TENM3: variants seen among roughly 807,000 people sequenced by gnomAD.
The protein encoded by TENM3 is teneurin-3.
A neutral mutation model predicts 255.1 loss-of-function variants in TENM3; 63 were observed. The ratio of observed to expected loss-of-function variants is 0.25; its 90% CI spans 0.20 to 0.30. The LOEUF is 0.30. Among genes scored for constraint, TENM3 ranks in the 10% least tolerant of loss-of-function variants. TENM3 has a pLI of 1.00. For synonymous variants in TENM3, 1,306 were observed against 1,322.3 expected, an observed-to-expected ratio of 0.99 and a Z score of 0.27; for missense variants, 2,929 against 3,461.1, an observed-to-expected ratio of 0.85 and a Z score of 3.86.
intron 2 of TENM3, among the ~76,000 whole-genome samples, chr4:182,345,008 TCTCTTCTTTTA>T (rs1317545716): frequency 6.6e-6 from 1 of 152,210 alleles, no homozygotes; most frequent in Admixed American, 6.5e-5. Flanking sequence ...TTCCTTTTTT[TCTCTTCTTTTA>T]CTCTTCTTTT....
the TENM3 span, among the ~76,000 whole-genome samples, chr4:181,448,779 A>G: frequency 1.3e-5 from 2 of 152,208 alleles, no homozygotes; most frequent in Non-Finnish European, 2.9e-5. Context: ...AATATATTAC[A>G]AAGTTTTATA....
chr4:182,373,595 A>T (rs903197496), intron 3 of TENM3, among the ~76,000 whole-genome samples: 2 of 152,064 alleles, frequency 1.3e-5, no homozygotes, highest in Admixed American at 6.5e-5. Context: ...CACCAAGGTG[A>T]TGTCACCAAG....
At chr4:182,612,131 G>C (rs904497509) in intron 4 of TENM3, among the ~76,000 whole-genome samples, 2 of 151,990 alleles carry the variant, frequency 1.3e-5, no homozygotes, top group Admixed American at 6.6e-5. Flanking sequence ...AATTAGCCGG[G>C]CGTGGTGGCG....
At chr4:181,482,371 G>A in the TENM3 span, among the ~76,000 whole-genome samples, 1 of 152,004 alleles carries the variant, frequency 6.6e-6, no homozygotes, top group Admixed American at 6.6e-5. Flanking sequence ...ATATTTTGCT[G>A]TTCCTGCAAC....
chr4:182,160,230 C>T (rs1159893605), intron 1 of TENM3, among the ~76,000 whole-genome samples: 1 of 151,700 alleles, frequency 6.6e-6, no homozygotes, highest in Non-Finnish European at 1.5e-5. Flanking sequence ...TCTCGATCTC[C>T]TGACCTCGTG....
At chr4:181,890,104 A>C in the TENM3 span, among the ~76,000 whole-genome samples, 17 of 152,328 alleles carry the variant, frequency 1.1e-4, no homozygotes, top group East Asian at 2.7e-3. Flanking sequence ...TATGAGGTTC[A>C]GTGTATCTGA....
At chr4:181,807,364 T>C in the TENM3 span, among the ~76,000 whole-genome samples, 2 of 152,364 alleles carry the variant, frequency 1.3e-5, no homozygotes, top group South Asian at 2.1e-4. Flanking sequence ...ACACTTTTTT[T>C]CTTTTTGAGA....
the TENM3 span, among the ~76,000 whole-genome samples, chr4:181,607,051 C>T: frequency 2.0e-5 from 3 of 152,146 alleles, no homozygotes; most frequent in Non-Finnish European, 4.4e-5. Flanking sequence ...ACCAAGTGAA[C>T]CAGAATGTTC....
chr4:181,459,859 A>C, the TENM3 span, among the ~76,000 whole-genome samples: 1 of 151,912 alleles, frequency 6.6e-6, no homozygotes, highest in Non-Finnish European at 1.5e-5. Flanking sequence ...AACCTGTTGA[A>C]ATTTTTATTG....
chr4:182,278,297 G>T (rs1053944820), intron 1 of TENM3, among the ~76,000 whole-genome samples: 1 of 152,140 alleles, frequency 6.6e-6, no homozygotes, highest in African/African-American at 2.4e-5. Flanking sequence ...AACCTGGGAG[G>T]TGGAGGTTGC....
the TENM3 span, among the ~76,000 whole-genome samples, chr4:181,515,095 C>T: frequency 1.8e-3 from 278 of 152,340 alleles, 1 homozygote; most frequent in Middle Eastern, 3.4e-3. Context: ...TAACTGCATA[C>T]AACCAACCTT....
At chr4:182,346,063 A>G (rs1293078761) in intron 2 of TENM3, among the ~76,000 whole-genome samples, 2 of 138,504 alleles carry the variant, frequency 1.4e-5, no homozygotes, top group Non-Finnish European at 1.6e-5. Context: ...CCACACACAC[A>G]CATATATACA....
chr4:182,777,543 A>AT (rs1561238758), intron 24 of TENM3, among the ~76,000 whole-genome samples: 19 of 34,866 alleles, frequency 5.4e-4, no homozygotes, highest in South Asian at 2.2e-3. Flanking sequence ...GTGTGTGTGT[A>AT]TTTCTTTTTT....
chr4:181,656,128 G>A, the TENM3 span, among the ~76,000 whole-genome samples: 445 of 152,184 alleles, frequency 2.9e-3, 1 homozygote, highest in African/African-American at 0.01. Context: ...TTGTAACGGC[G>A]AGCCTTGGGG....
chr4:182,390,420 T>G (rs1460108715), intron 3 of TENM3, among the ~76,000 whole-genome samples: 1 of 152,186 alleles, frequency 6.6e-6, no homozygotes, highest in East Asian at 1.9e-4. Flanking sequence ...TGGTTGTTGT[T>G]GCCAAGGACT....
intron 24 of TENM3, among the ~76,000 whole-genome samples, chr4:182,781,528 G>C (rs531558455): frequency 6.6e-6 from 1 of 152,052 alleles, no homozygotes; most frequent in South Asian, 2.1e-4. Context: ...TTTTTGTTGT[G>C]TCTCTGCCTG....
chr4:181,740,495 T>C, the TENM3 span, among the ~76,000 whole-genome samples: 1 of 152,102 alleles, frequency 6.6e-6, no homozygotes, highest in Non-Finnish European at 1.5e-5. Context: ...CAAAGAGCTG[T>C]AGTTTAAGAA....
At chr4:181,558,642 C>T in the TENM3 span, among the ~76,000 whole-genome samples, 1 of 152,154 alleles carries the variant, frequency 6.6e-6, no homozygotes, top group Non-Finnish European at 1.5e-5. Flanking sequence ...TGCAATGATG[C>T]CTGGGTTGTG....
rs138393066 is a variant in TENM3 at position 182,719,554 on chromosome 4, T to G, written c.2368+5321T>G. 4.6e-5 allele frequency among the ~76,000 whole-genome samples: 7 copies of G among 152,156 alleles called. No individual in the cohort carries two copies. In the East Asian group the frequency reaches 1.4e-3, roughly 30 times the overall value. ...GATTACAGGCATGAACCACTGCGCC[T>G]GGCCTAGAGCTATCTTTTATCCTTT... On this transcript the variant is annotated intron_variant, in intron 13 of 27. Transcript: ENST00000511685.
Sources: gnomAD v4.1 joint callset for allele counts (sites outside exome capture counted in the v4.1 genomes callset) on GRCh38, gnomAD v4.1.1 for gene constraint, MANE v1.5 for transcripts, NCBI Gene and HGNC (gene_info 2026-07-23, HGNC 2026-07-21) for gene names.